The following SLC6A2 variants were observed in gnomAD, a reference collection of about 807,000 sequenced individuals.
SLC6A2 encodes the protein solute carrier family 6 member 2.
SLC6A2 carries 26 observed loss-of-function variants against 71.7 expected under a neutral mutation model. The observed-to-expected ratio is 0.36, with a 90% CI of 0.27 to 0.50. The LOEUF is 0.50. Ranked by LOEUF, SLC6A2 falls within the 20% of genes least tolerant of loss-of-function variation. The probability of loss-of-function intolerance (pLI) is 0.96; values close to 1 mark genes in which losing one functional copy is unlikely to be tolerated. For missense variants in SLC6A2, 581 were observed against 803.9 expected (o/e 0.72, Z 3.35); for synonymous variants, 363 against 337.9 (o/e 1.07, Z -0.82).
chr16:55,703,668 G>A lies in SLC6A2; in HGVS notation c.*1322G>A. The A allele has an allele frequency of 1.0e-6, 1 of 985,396 alleles. No individual in the cohort carries two copies. The highest frequency in any genetic ancestry group is 1.2e-6 in the Non-Finnish European group (1 of 829,924). The allele number at this position is 985,396 out of a possible 1,614,324, so 61.0% of individuals were successfully genotyped here. A position where few individuals can be genotyped will look rare whatever the true frequency, so the allele number is the denominator to read the frequency against. ...CTAAATTGGTGGCATCTTTGGGAGGGGTTTCTGTTTATGGTTAGAGTCTCT... is the reference window on the plus strand; with the variant it reads ...CTAAATTGGTGGCATCTTTGGGAGGAGTTTCTGTTTATGGTTAGAGTCTCT... On this transcript the variant is annotated 3_prime_UTR_variant, in exon 15 of 15. Transcript: ENST00000568943.
In SLC6A2 at chr16:55,703,357, C is replaced by G. The variant is rs1286203871; in HGVS notation, c.*1011C>G. On this transcript the variant is annotated 3_prime_UTR_variant, in exon 15 of 15. Coordinates refer to ENST00000568943, the MANE Select transcript of SLC6A2 (RefSeq NM_001172501.3). ...TTGTTCTTGCACACCTGCACAGCCT[C>G]CCTCTGGGGATCCCACCTGGAGTGG... 2.0e-6 allele frequency: 2 copies of G among 985,364 alleles called. No individual in the cohort carries two copies. The highest frequency in any genetic ancestry group is 2.4e-6 in the Non-Finnish European group (2 of 829,962). 61.0% of individuals were successfully genotyped at this position (985,364 alleles called of 1,614,324 possible). A position where few individuals can be genotyped will look rare whatever the true frequency, so the allele number is the denominator to read the frequency against.
chr16:55,696,350 G>A lies in SLC6A2; in HGVS notation c.1260+13G>A. 1 of 1,500,070 alleles carries A rather than the reference G, an allele frequency of 6.7e-7. No individual in the cohort carries two copies. The highest frequency in any genetic ancestry group is 1.4e-5 in the African/African-American group (1 of 72,766). The allele number at this position is 1,500,070 out of a possible 1,614,324, so 92.9% of individuals were successfully genotyped here. On this transcript the variant is annotated intron_variant, in intron 9 of 14. Coordinates refer to ENST00000568943, the MANE Select transcript of SLC6A2 (RefSeq NM_001172501.3). The stretch of plus-strand genomic sequence containing the variant: ...CCTTGACAGCTCAGTGAGTGACCCT[G>A]CTTAGGATACCTATCCCCCATCCCA...
At chr16:55,681,866 TATTAAGC>T (rs1965282621) in intron 4 of SLC6A2, among the ~76,000 whole-genome samples, 1 of 152,240 alleles carries the variant, frequency 6.6e-6, no homozygotes, top group Admixed American at 6.5e-5. Context: ...AAGGACGATA[TATTAAGC>T]TGTTTGCCTT....
At chr16:55,691,471 G>A (rs950988999) in intron 5 of SLC6A2, among the ~76,000 whole-genome samples, 3 of 152,038 alleles carry the variant, frequency 2.0e-5, no homozygotes, top group Non-Finnish European at 2.9e-5. Flanking sequence ...AGCAACACTC[G>A]CACAACTTCA....
intron 4 of SLC6A2, among the ~76,000 whole-genome samples, chr16:55,675,776 G>A: frequency 7.3e-6 from 1 of 137,376 alleles, no homozygotes; most frequent in South Asian, 2.3e-4. Context: ...GCAAAAAAGT[G>A]TGGAAAAAAA....
rs866155310 is a variant in SLC6A2 at position 55,687,345 on chromosome 16, T to C, written c.783+2064T>C. 5.9e-5 allele frequency among the ~76,000 whole-genome samples: 9 copies of C among 152,230 alleles called. No individual in the cohort carries two copies. The South Asian group carries it at 1.0e-3, about 18-fold the overall frequency. On this transcript the variant is annotated intron_variant, in intron 5 of 14. Transcript: ENST00000568943. ...TTGATATTGAAGGCATTTCTTAGCC[T>C]GAGTTGTGGTCAAAAAGTGTGAGAT...
chr16:55,703,292 G>A lies in SLC6A2; in HGVS notation c.*946G>A, dbSNP rs1966029378. On this transcript the variant is annotated 3_prime_UTR_variant, in exon 15 of 15. Coordinates refer to ENST00000568943, the MANE Select transcript of SLC6A2 (RefSeq NM_001172501.3). ...CGTGCTGTCCTCACAAGGCCAGGTG[G>A]GTGCCCAAAGGGAGCCTGACAGGCT... 1.0e-6 allele frequency: 1 copy of A among 985,480 alleles called. No homozygotes were observed. The highest frequency in any genetic ancestry group is 1.2e-6 in the Non-Finnish European group (1 of 829,958). 61.0% of individuals were successfully genotyped at this position (985,480 alleles called of 1,614,324 possible).
chr16:55,659,290 A>G (rs1169441847), intron 2 of SLC6A2, among the ~76,000 whole-genome samples: 1 of 152,166 alleles, frequency 6.6e-6, no homozygotes, highest in Non-Finnish European at 1.5e-5. Context: ...GGCCAATTTG[A>G]CAAGTCAGCT....
At chr16:55,693,596 A>T (rs988537199) in intron 6 of SLC6A2, among the ~76,000 whole-genome samples, 2 of 152,234 alleles carry the variant, frequency 1.3e-5, no homozygotes, top group Non-Finnish European at 2.9e-5. Flanking sequence ...ACCATTGTCT[A>T]TGGCTTGTAG....
chr16:55,678,236 C>T (rs1875544), intron 4 of SLC6A2, among the ~76,000 whole-genome samples: 41,022 of 151,808 alleles, frequency 0.27, 6,789 homozygotes, highest in Admixed American at 0.37. Flanking sequence ...CTTCTCACGC[C>T]GCCCTTGCCC....
At chr16:55,674,800 C>A (rs1048430049) in intron 4 of SLC6A2, among the ~76,000 whole-genome samples, 1 of 152,158 alleles carries the variant, frequency 6.6e-6, no homozygotes, top group Admixed American at 6.6e-5. Context: ...TTGAGTAGGG[C>A]TGCAATGAAC....
In SLC6A2 at chr16:55,691,230, GGAGAGA is replaced by G. The variant is rs56308124; in HGVS notation, c.784-641_784-636del. 7.8e-3 allele frequency among the ~76,000 whole-genome samples: 361 copies of G among 46,426 alleles called. 6 individuals carry two copies. Among genetic ancestry groups the G allele is most frequent in the Admixed American group, 0.016 (60 of 3,760 alleles). The allele number at this position is 46,426 out of a possible 152,430, so 30.5% of individuals were successfully genotyped here. A position where few individuals can be genotyped will look rare whatever the true frequency, so the allele number is the denominator to read the frequency against. ...AAAGAGAGGGGGGGAGGGGAGAGGG[GGAGAGA>G]GAGAGAGAGAGAGAGAGAGAGAGAG... On this transcript the variant is annotated intron_variant, in intron 5 of 14. Coordinates refer to ENST00000568943, the MANE Select transcript of SLC6A2 (RefSeq NM_001172501.3).
chr16:55,675,505 TA>T (rs1567439457), intron 4 of SLC6A2, among the ~76,000 whole-genome samples: 1 of 152,202 alleles, frequency 6.6e-6, no homozygotes, highest in Non-Finnish European at 1.5e-5. Flanking sequence ...AGGTCGTACC[TA>T]AACAGTCCAT....
intron 9 of SLC6A2, among the ~76,000 whole-genome samples, chr16:55,697,197 A>C (rs1228825836): frequency 6.6e-6 from 1 of 152,334 alleles, no homozygotes; most frequent in East Asian, 1.9e-4. Flanking sequence ...TTCAGTCAGC[A>C]GATCTGCCAG....
chr16:55,694,168 T>C (rs1737188192), intron 7 of SLC6A2, 55 bp downstream of exon 7: 20 of 1,298,228 alleles, frequency 1.5e-5, no homozygotes, highest in South Asian at 2.4e-5. Flanking sequence ...TTGACTCTTG[T>C]TGGGTGGCAG....
At chr16:55,680,917 G>A (rs1204896302) in intron 4 of SLC6A2, among the ~76,000 whole-genome samples, 1 of 152,032 alleles carries the variant, frequency 6.6e-6, no homozygotes, top group African/African-American at 2.4e-5. Context: ...TGGGGAGGGG[G>A]CATTGGTCTG....
chr16:55,657,091 A>G (rs1964475599), intron 2 of SLC6A2, 123 bp downstream of exon 2: 2 of 1,072,642 alleles, frequency 1.9e-6, no homozygotes, highest in South Asian at 2.9e-5. Flanking sequence ...TCTGGGGCGC[A>G]GAAAGAACTG....
chr16:55,685,413 C>A lies in SLC6A2; in HGVS notation c.783+132C>A, dbSNP rs1201195121. 3.2e-6 allele frequency: 3 copies of A among 933,010 alleles called. No homozygotes were observed. In the African/African-American group the frequency reaches 4.8e-5, roughly 15 times the overall value. The allele number at this position is 933,010 out of a possible 1,614,324, so 57.8% of individuals were successfully genotyped here. A position where few individuals can be genotyped will look rare whatever the true frequency, so the allele number is the denominator to read the frequency against. ...GAAGTGCAAGGCCTGGGTTCAAGCC[C>A]CTGTTCTGCCACTGACTTGGACAAA... On this transcript the variant is annotated intron_variant, in intron 5 of 14. Transcript: ENST00000568943.
chr16:55,685,327 TG>T lies in SLC6A2; in HGVS notation c.783+52del, dbSNP rs535108038. The T allele has an allele frequency of 4.4e-6, 7 of 1,586,626 alleles. 1 individual carries two copies. The highest frequency in any genetic ancestry group is 3.3e-5 in the South Asian group (3 of 90,460). ...TTTCACTTACTTGGGTGATCAACCT[TG>T]GGGGGTGTGATTATTTCTAGCAATA... On this transcript the variant is annotated intron_variant, in intron 5 of 14. Transcript: ENST00000568943.
Sources: allele counts gnomAD v4.1 joint callset (sites outside exome capture counted in the v4.1 genomes callset), GRCh38; gene constraint gnomAD v4.1.1; transcripts MANE v1.5; gene names NCBI Gene and HGNC (gene_info 2026-07-23, HGNC 2026-07-21).